The following VASH2 variants were observed in gnomAD, a reference collection of about 807,000 sequenced individuals.
VASH2 encodes the protein vasohibin 2.
A neutral mutation model predicts 37.2 loss-of-function variants in VASH2; 28 were observed. The ratio of observed to expected loss-of-function variants is 0.75; its 90% CI spans 0.56 to 1.03. VASH2 has a LOEUF of 1.03. VASH2 is among the 50% of genes least tolerant of loss of function. The pLI is 0.00. For missense variants in VASH2, 419 were observed against 459.1 expected (o/e 0.91, Z 0.80); for synonymous variants, 188 against 174.7 (o/e 1.08, Z -0.60).
At chr1:212,978,161 A>G (rs1275480179) in intron 7 of VASH2, among the ~76,000 whole-genome samples, 1 of 151,930 alleles carries the variant, frequency 6.6e-6, no homozygotes, top group Admixed American at 6.5e-5. Context: ...CCAACTGGTC[A>G]CTCTCCTGGG....
intron 2 of VASH2, among the ~76,000 whole-genome samples, chr1:212,958,728 T>C (rs1255330451): frequency 6.6e-6 from 1 of 152,108 alleles, no homozygotes; most frequent in African/African-American, 2.4e-5. Context: ...TGTCTTTTTT[T>C]TTTGAGACAG....
At chr1:212,956,870 T>C (rs75157556) in intron 2 of VASH2, among the ~76,000 whole-genome samples, 1,981 of 152,362 alleles carry the variant, frequency 0.013, 24 homozygotes, top group Admixed American at 0.023. Context: ...GAGAGATATA[T>C]ATATGATACA....
chr1:212,959,697 C>T (rs73084261), intron 2 of VASH2, among the ~76,000 whole-genome samples: 10,232 of 152,292 alleles, frequency 0.067, 785 homozygotes, highest in African/African-American at 0.19. Context: ...CTGGGGCTGG[C>T]GCCTGGAGAG....
intron 7 of VASH2, 119 bp downstream of exon 7, chr1:212,974,189 C>A: frequency 7.8e-7 from 1 of 1,275,794 alleles, no homozygotes; most frequent in South Asian, 1.6e-5. Context: ...CAGCAATCTC[C>A]AAGAGGACTG....
chr1:212,962,385 CAT>C (rs577431390), intron 3 of VASH2, among the ~76,000 whole-genome samples: 140 of 152,306 alleles, frequency 9.2e-4, no homozygotes, highest in African/African-American at 3.2e-3. Context: ...ATGTATAAAA[CAT>C]AGCCTGTTCT....
chr1:212,970,162 G>A (rs1248065265), intron 5 of VASH2, among the ~76,000 whole-genome samples: 1 of 152,182 alleles, frequency 6.6e-6, no homozygotes, highest in African/African-American at 2.4e-5. Context: ...CCAGAAAGAT[G>A]ATCCCTGGCT....
intron 3 of VASH2, among the ~76,000 whole-genome samples, chr1:212,963,081 A>C (rs1666726188): frequency 6.6e-6 from 1 of 152,062 alleles, no homozygotes; most frequent in Admixed American, 6.5e-5. Flanking sequence ...GAGTTAAGAG[A>C]ATTAAACTGG....
intron 6 of VASH2, 129 bp downstream of exon 6, chr1:212,973,090 C>T: frequency 8.4e-7 from 1 of 1,189,376 alleles, no homozygotes; most frequent in Non-Finnish European, 1.2e-6. Flanking sequence ...TCTCTCTTTG[C>T]ACATACTACT....
intron 5 of VASH2, 25 bp downstream of exon 5, chr1:212,966,370 A>G (rs1358383786): frequency 3.2e-6 from 5 of 1,545,640 alleles, no homozygotes; most frequent in Non-Finnish European, 4.4e-6. Flanking sequence ...ATGTATGCTT[A>G]GTTTACTCCA....
At chr1:212,968,380 G>A (rs1344875876) in intron 5 of VASH2, 8 of 985,346 alleles carry the variant, frequency 8.1e-6, no homozygotes, top group Non-Finnish European at 9.6e-6. Context: ...AGAGGTCAGT[G>A]GAAGGACATG....
At chr1:212,988,177 G>T (rs1320826698) in intron 7 of VASH2, among the ~76,000 whole-genome samples, 2 of 152,232 alleles carry the variant, frequency 1.3e-5, no homozygotes, top group Admixed American at 6.5e-5. Flanking sequence ...TGTAGTGTAT[G>T]TGACTTTTAG....
At chr1:212,970,369 A>G (rs1364919349) in intron 5 of VASH2, among the ~76,000 whole-genome samples, 4 of 151,874 alleles carry the variant, frequency 2.6e-5, no homozygotes, top group African/African-American at 9.7e-5. Context: ...TCTCCTCCCC[A>G]CTTCTCCACC....
chr1:212,963,060 C>T (rs1436351465), intron 3 of VASH2, among the ~76,000 whole-genome samples: 1 of 152,002 alleles, frequency 6.6e-6, no homozygotes, highest in Admixed American at 6.5e-5. Flanking sequence ...TCACAAGGAT[C>T]ATCTGGCTGA....
intron 7 of VASH2, among the ~76,000 whole-genome samples, chr1:212,985,744 C>T (rs1667459486): frequency 3.3e-5 from 5 of 152,152 alleles, no homozygotes; most frequent in Admixed American, 3.3e-4. Context: ...GTCCCCACTC[C>T]AGCCGTCGCT....
Position 212,965,779 on chromosome 1 carries a change from G to A in VASH2, c.422+1G>A. ...TTAGGAAAATGAGACCGCTGAGTGGGTAAGTGGTGCATGATCTATGGGCCA... is the reference window on the plus strand; with the variant it reads ...TTAGGAAAATGAGACCGCTGAGTGGATAAGTGGTGCATGATCTATGGGCCA... On this transcript the variant is annotated splice_donor_variant, in intron 4 of 7. Coordinates refer to ENST00000517399, the MANE Select transcript of VASH2 (RefSeq NM_001301056.2). LOFTEE classifies it high-confidence loss of function. The A allele has an allele frequency of 6.4e-7, 1 of 1,551,930 alleles. No homozygotes were observed. The highest frequency in any genetic ancestry group is 8.7e-7 in the Non-Finnish European group (1 of 1,146,720).
rs1056304168 is a variant in VASH2 at position 212,957,617 on chromosome 1, CTT to C, written c.277-3532_277-3531del. Among the ~76,000 whole-genome samples the C allele has an allele frequency of 3.6e-3, 496 of 137,336 alleles. 3 individuals are homozygous for C. The highest frequency in any genetic ancestry group is 0.012 in the African/African-American group (441 of 35,884). The allele number at this position is 137,336 out of a possible 152,430, so 90.1% of individuals were successfully genotyped here. On this transcript the variant is annotated intron_variant, in intron 2 of 7. Coordinates refer to ENST00000517399, the MANE Select transcript of VASH2 (RefSeq NM_001301056.2). ...GGTGATGAATAATACACAGCTTACACTTTTTTTTTTTTTTTTTTGAGATGGAG... is the reference window on the plus strand; with the variant it reads ...GGTGATGAATAATACACAGCTTACACTTTTTTTTTTTTTTTTGAGATGGAG...
intron 3 of VASH2, 50 bp downstream of exon 3, chr1:212,961,304 G>A (rs1349446031): frequency 3.1e-6 from 5 of 1,613,020 alleles, no homozygotes; most frequent in Non-Finnish European, 4.2e-6. Flanking sequence ...GACAGGCATG[G>A]TGATCGCAAG....
At chr1:212,972,290 G>GAAAAAA (rs1197473483) in intron 5 of VASH2, among the ~76,000 whole-genome samples, 1 of 152,080 alleles carries the variant, frequency 6.6e-6, no homozygotes, top group Non-Finnish European at 1.5e-5. Context: ...AGGAGCAGAG[G>GAAAAAA]AAAAAGTGCC....
chr1:212,959,508 G>C (rs539193976), intron 2 of VASH2, among the ~76,000 whole-genome samples: 7 of 152,308 alleles, frequency 4.6e-5, no homozygotes, highest in African/African-American at 9.6e-5. Context: ...ATTCTGATGA[G>C]TTTCCTTCCA....
Sources: gnomAD v4.1 joint callset for allele counts (sites outside exome capture counted in the v4.1 genomes callset) on GRCh38, gnomAD v4.1.1 for gene constraint, MANE v1.5 for transcripts, NCBI Gene and HGNC (gene_info 2026-07-23, HGNC 2026-07-21) for gene names.